Variants in ZNF536 observed in about 807,000 individuals in gnomAD.
ZNF536 encodes zinc finger protein 536.
Under a neutral mutation model 84.5 loss-of-function variants are expected in ZNF536, and 13 were observed. That is an observed-to-expected ratio of 0.15 (90% CI 0.10 to 0.24). The LOEUF is 0.24. Ranked by LOEUF, ZNF536 falls within the 10% of genes least tolerant of loss-of-function variation. The probability of loss-of-function intolerance (pLI) is 1.00; values close to 1 mark genes in which losing one functional copy is unlikely to be tolerated. For missense variants in ZNF536, 1,536 were observed against 1,747.5 expected, an observed-to-expected ratio of 0.88 and a Z score of 2.16; for synonymous variants, 811 against 742.5, an observed-to-expected ratio of 1.09 and a Z score of -1.50.
At chr19:30,659,466 T>G (rs990378873) in intron 1 of ZNF536, among the ~76,000 whole-genome samples, 2 of 151,872 alleles carry the variant, frequency 1.3e-5, no homozygotes. Context: ...GATTACAATT[T>G]GTATTAGTCT....
At chr19:30,379,091 A>G (rs1202607623) in intron 1 of ZNF536, among the ~76,000 whole-genome samples, 1 of 152,114 alleles carries the variant, frequency 6.6e-6, no homozygotes, top group East Asian at 1.9e-4. Flanking sequence ...TCGGTCAAAT[A>G]TTGTTTGAAA....
chr19:30,607,758 A>C (rs2047951036), intron 1 of ZNF536, among the ~76,000 whole-genome samples: 8 of 151,798 alleles, frequency 5.3e-5, no homozygotes, highest in Admixed American at 4.6e-4. Flanking sequence ...GTCCCTATGC[A>C]TATGTGTGTA....
At chr19:30,406,362 A>G (rs545450954) in intron 1 of ZNF536, among the ~76,000 whole-genome samples, 1 of 152,136 alleles carries the variant, frequency 6.6e-6, no homozygotes, top group Non-Finnish European at 1.5e-5. Context: ...CCACCGAGCA[A>G]GAATCTTAAT....
chr19:30,469,271 G>A (rs542330556), intron 2 of ZNF536, among the ~76,000 whole-genome samples: 10 of 152,238 alleles, frequency 6.6e-5, no homozygotes, highest in Non-Finnish European at 1.0e-4. Flanking sequence ...AAAATTAGCC[G>A]GGCGTGGTGG....
intron 1 of ZNF536, among the ~76,000 whole-genome samples, chr19:30,655,847 T>C (rs1422345791): frequency 6.6e-6 from 1 of 152,168 alleles, no homozygotes; most frequent in African/African-American, 2.4e-5. Flanking sequence ...GAGACTAGCC[T>C]GGGCAACATA....
intron 1 of ZNF536, among the ~76,000 whole-genome samples, chr19:30,395,527 G>A (rs1479664371): frequency 2.0e-5 from 3 of 152,188 alleles, no homozygotes; most frequent in African/African-American, 4.8e-5. Context: ...TGCCAAAGAA[G>A]GGCCACCAGG....
chr19:30,549,582 A>G (rs2146262999), intron 4 of ZNF536, 68 bp downstream of exon 4: 1 of 1,419,100 alleles, frequency 7.0e-7, no homozygotes, highest in Non-Finnish European at 9.2e-7. Context: ...TGCATTTAAA[A>G]AAATGAGGTA....
At chr19:30,464,915 T>G (rs1188700230) in intron 2 of ZNF536, among the ~76,000 whole-genome samples, 1 of 151,806 alleles carries the variant, frequency 6.6e-6, no homozygotes, top group Non-Finnish European at 1.5e-5. Flanking sequence ...GGAATTTGGA[T>G]GGAAAGTGGC....
chr19:30,577,818 T>G (rs1288747679), intron 1 of ZNF536, among the ~76,000 whole-genome samples: 1 of 152,232 alleles, frequency 6.6e-6, no homozygotes, highest in Admixed American at 6.5e-5. Flanking sequence ...TGAAGATGTT[T>G]TACATCATTA....
At chr19:30,638,032 C>T (rs945926131) in intron 1 of ZNF536, among the ~76,000 whole-genome samples, 5 of 152,126 alleles carry the variant, frequency 3.3e-5, no homozygotes, top group South Asian at 4.2e-4. Context: ...CAGAAGTAGT[C>T]GATGCAAGCC....
chr19:30,307,846 T>G (rs1453164905), intron 2 of ZNF536, among the ~76,000 whole-genome samples: 1 of 152,232 alleles, frequency 6.6e-6, no homozygotes, highest in Non-Finnish European at 1.5e-5. Context: ...CGAGTTGCTC[T>G]TCTTACCCAG....
chr19:30,466,017 TG>T (rs1013842309), intron 2 of ZNF536, among the ~76,000 whole-genome samples: 1 of 152,088 alleles, frequency 6.6e-6, no homozygotes, highest in Non-Finnish European at 1.5e-5. Context: ...CCCAAAATGC[TG>T]GGATTACAGG....
intron 2 of ZNF536, among the ~76,000 whole-genome samples, chr19:30,448,261 C>T (rs545763505): frequency 2.6e-5 from 4 of 152,294 alleles, no homozygotes; most frequent in South Asian, 2.1e-4. Flanking sequence ...ATCAGCTGTG[C>T]GTCTGGGGCA....
intron 3 of ZNF536, among the ~76,000 whole-genome samples, chr19:30,364,151 A>G (rs1422941005): frequency 6.6e-6 from 1 of 152,080 alleles, no homozygotes; most frequent in East Asian, 1.9e-4. Flanking sequence ...GGTATTTGTG[A>G]CTCACTGGGA....
chr19:30,387,306 G>A (rs2049383787), intron 1 of ZNF536, among the ~76,000 whole-genome samples: 1 of 152,220 alleles, frequency 6.6e-6, no homozygotes, highest in African/African-American at 2.4e-5. Context: ...GTTGCAGCCT[G>A]ACTTTGAATC....
chr19:30,412,505 A>G (rs2050535619), intron 1 of ZNF536, among the ~76,000 whole-genome samples: 1 of 151,684 alleles, frequency 6.6e-6, no homozygotes, highest in Non-Finnish European at 1.5e-5. Context: ...TTGGGGGTAA[A>G]CTCTAGTTGT....
At chr19:30,260,216 T>C (rs564023975) in intron 1 of ZNF536, among the ~76,000 whole-genome samples, 10 of 152,368 alleles carry the variant, frequency 6.6e-5, no homozygotes, top group African/African-American at 1.9e-4. Context: ...GAGAATGCCA[T>C]CTCTCCGTAC....
At chr19:30,513,124 C>T (rs550761946) in intron 2 of ZNF536, among the ~76,000 whole-genome samples, 1 of 152,186 alleles carries the variant, frequency 6.6e-6, no homozygotes, top group African/African-American at 2.4e-5. Flanking sequence ...TAATGGAAAG[C>T]ATTTTTTTTA....
intron 2 of ZNF536, among the ~76,000 whole-genome samples, chr19:30,339,634 C>G (rs2047499832): frequency 6.6e-6 from 1 of 152,180 alleles, no homozygotes. Context: ...CAGATGGACA[C>G]CTCCACCTCG....
Sources: allele counts gnomAD v4.1 joint callset (sites outside exome capture counted in the v4.1 genomes callset), GRCh38; gene constraint gnomAD v4.1.1; transcripts MANE v1.5; gene names NCBI Gene and HGNC (gene_info 2026-07-23, HGNC 2026-07-21).